The following ROR2 variants were observed in gnomAD, a reference collection of about 807,000 sequenced individuals.
The protein encoded by ROR2 is tyrosine-protein kinase transmembrane receptor ROR2.
A neutral mutation model predicts 74.9 loss-of-function variants in ROR2; 33 were observed. The observed-to-expected ratio is 0.44, with a 90% CI of 0.33 to 0.59. The LOEUF (loss-of-function observed/expected upper bound fraction) is 0.59, where lower values mean the gene tolerates loss of function less well. ROR2 is among the 20% of genes least tolerant of loss of function. The pLI is 0.02. For synonymous variants in ROR2, 586 were observed against 558.7 expected (o/e 1.05, Z -0.69); for missense variants, 1,216 against 1,313.8 (o/e 0.93, Z 1.15).
intron 1 of ROR2, among the ~76,000 whole-genome samples, chr9:91,840,184 A>C (rs975183961): frequency 7.2e-5 from 11 of 152,204 alleles, no homozygotes; most frequent in Non-Finnish European, 1.6e-4. Flanking sequence ...TAGAGGAATC[A>C]GAGCGGAGGG....
rs193099310 is a variant in ROR2 at position 91,929,304 on chromosome 9, G to A, written c.97+20563C>T. Among the ~76,000 whole-genome samples the A allele has an allele frequency of 5.3e-5, 8 of 152,310 alleles. No homozygotes were observed. The East Asian group carries it at 7.7e-4, about 15-fold the overall frequency. The stretch of plus-strand genomic sequence containing the variant: ...CTGTGAAGGAACGCAAGGGAGGGGG[G>A]CACAGTGAAATCCACTTTGCAAAAC... On this transcript the variant is annotated intron_variant, in intron 1 of 8. Transcript: ENST00000375708.
chr9:91,819,067 C>T (rs1828044170), intron 1 of ROR2, among the ~76,000 whole-genome samples: 1 of 152,212 alleles, frequency 6.6e-6, no homozygotes, highest in Admixed American at 6.5e-5. Context: ...TCTTCCCAGC[C>T]AGAAGCCTGG....
At chr9:91,884,415 G>T (rs1189679519) in intron 1 of ROR2, among the ~76,000 whole-genome samples, 2 of 150,000 alleles carry the variant, frequency 1.3e-5, no homozygotes, top group African/African-American at 4.9e-5. Context: ...CTTCAGGCAT[G>T]ACTTGTCTAA....
chr9:91,763,601 TC>T (rs763121930), intron 2 of ROR2, among the ~76,000 whole-genome samples: 2 of 152,206 alleles, frequency 1.3e-5, no homozygotes, highest in Non-Finnish European at 2.9e-5. Flanking sequence ...TCATTGGGGC[TC>T]CCCTTGTGTA....
chr9:91,945,278 G>A (rs1831985590), intron 1 of ROR2, among the ~76,000 whole-genome samples: 1 of 152,060 alleles, frequency 6.6e-6, no homozygotes, highest in African/African-American at 2.4e-5. Flanking sequence ...TGTGCCTGGT[G>A]GCTACTATAT....
intron 1 of ROR2, among the ~76,000 whole-genome samples, chr9:91,791,510 A>G (rs1826976172): frequency 6.6e-6 from 1 of 152,238 alleles, no homozygotes; most frequent in African/African-American, 2.4e-5. Flanking sequence ...AAAGAAGGAC[A>G]TTTTATACTG....
At chr9:91,903,597 G>C (rs890689588) in intron 1 of ROR2, among the ~76,000 whole-genome samples, 4 of 152,066 alleles carry the variant, frequency 2.6e-5, no homozygotes, top group East Asian at 1.9e-4. Context: ...TTCTGTAAAG[G>C]GAAGAACAAA....
chr9:91,722,764 A>G lies in ROR2; in HGVS notation c.*898T>C, dbSNP rs1476500679. The stretch of plus-strand genomic sequence containing the variant: ...TACAGAGAGAAGCAAACCAAGACCA[A>G]CTGGATCCCAACGTGGGTAACATAA... On this transcript the variant is annotated 3_prime_UTR_variant, in exon 9 of 9. Coordinates refer to ENST00000375708, the MANE Select transcript of ROR2 (RefSeq NM_004560.4). The G allele has an allele frequency of 1.8e-5, 11 of 612,288 alleles. No homozygotes were observed. Among genetic ancestry groups the G allele is most frequent in the South Asian group, 5.8e-5 (3 of 51,628 alleles). 37.9% of individuals were successfully genotyped at this position (612,288 alleles called of 1,614,324 possible).
At chr9:91,729,924 C>T (rs1200726414) in intron 7 of ROR2, among the ~76,000 whole-genome samples, 4 of 152,278 alleles carry the variant, frequency 2.6e-5, no homozygotes, top group South Asian at 2.1e-4. Context: ...AATATTTTTA[C>T]GAATATTAGG....
chr9:91,890,749 C>T (rs1340476573), intron 1 of ROR2, among the ~76,000 whole-genome samples: 1 of 152,176 alleles, frequency 6.6e-6, no homozygotes, highest in Admixed American at 6.5e-5. Flanking sequence ...TGGACAGTAA[C>T]GGTGACAACA....
chr9:91,944,261 G>C (rs578046391), intron 1 of ROR2, among the ~76,000 whole-genome samples: 1 of 152,264 alleles, frequency 6.6e-6, no homozygotes, highest in African/African-American at 2.4e-5. Context: ...CATATAAAAG[G>C]CACAGTCATA....
At chr9:91,844,841 G>A (rs1380437682) in intron 1 of ROR2, among the ~76,000 whole-genome samples, 6 of 152,234 alleles carry the variant, frequency 3.9e-5, no homozygotes, top group Non-Finnish European at 5.9e-5. Context: ...AGCAAGCCTC[G>A]CCCCAGGTCC....
At chr9:91,870,573 G>T (rs984010574) in intron 1 of ROR2, among the ~76,000 whole-genome samples, 2 of 152,162 alleles carry the variant, frequency 1.3e-5, no homozygotes, top group African/African-American at 4.8e-5. Flanking sequence ...TCCCTAGCAC[G>T]TGTCCCATAT....
intron 1 of ROR2, among the ~76,000 whole-genome samples, chr9:91,858,381 A>C (rs1195670037): frequency 6.6e-6 from 1 of 152,106 alleles, no homozygotes; most frequent in Non-Finnish European, 1.5e-5. Context: ...ACAAACACAC[A>C]CACATTCACA....
intron 8 of ROR2, among the ~76,000 whole-genome samples, 200 bp downstream of exon 8, chr9:91,726,341 C>T (rs1205229450): frequency 6.6e-6 from 1 of 152,112 alleles, no homozygotes; most frequent in Non-Finnish European, 1.5e-5. Context: ...AGTGAATTCC[C>T]AACACGCCTG....
intron 1 of ROR2, among the ~76,000 whole-genome samples, chr9:91,878,942 T>C (rs1352611686): frequency 6.6e-6 from 1 of 151,946 alleles, no homozygotes; most frequent in East Asian, 1.9e-4. Flanking sequence ...CTCAGGAGGC[T>C]GAGGCAGGAG....
chr9:91,824,421 C>G (rs944118914), intron 1 of ROR2, among the ~76,000 whole-genome samples: 3 of 152,336 alleles, frequency 2.0e-5, no homozygotes, highest in East Asian at 3.9e-4. Context: ...GGCACTAAAC[C>G]TCACTAACAG....
At chr9:91,775,660 C>T in intron 2 of ROR2, 81 bp downstream of exon 2, 1 of 1,381,916 alleles carries the variant, frequency 7.2e-7, no homozygotes, top group Non-Finnish European at 1.0e-6. Context: ...CAGCGCCTTC[C>T]TTCAGGCAAT....
intron 1 of ROR2, among the ~76,000 whole-genome samples, chr9:91,811,613 T>C (rs1172743023): frequency 6.6e-6 from 1 of 152,164 alleles, no homozygotes; most frequent in Admixed American, 6.5e-5. Flanking sequence ...GCCACCCAAC[T>C]ACCTCCTCAT....
Sources: allele counts gnomAD v4.1 joint callset (sites outside exome capture counted in the v4.1 genomes callset), GRCh38; gene constraint gnomAD v4.1.1; transcripts MANE v1.5; gene names NCBI Gene and HGNC (gene_info 2026-07-23, HGNC 2026-07-21).